Variants in GLT1D1 observed in about 807,000 individuals in gnomAD.
GLT1D1 encodes glycosyltransferase 1 domain-containing protein 1.
Under a neutral mutation model 28.7 loss-of-function variants are expected in GLT1D1, and 21 were observed. That is an observed-to-expected ratio of 0.73 (90% CI 0.52 to 1.05). The LOEUF (loss-of-function observed/expected upper bound fraction) is 1.05. Among genes scored for constraint, GLT1D1 ranks in the 50% least tolerant of loss-of-function variants. The pLI is 0.00. For missense variants in GLT1D1, 343 were observed against 330.6 expected (o/e 1.04, Z -0.29); for synonymous variants, 147 against 124.8 (o/e 1.18, Z -1.19).
intron 2 of GLT1D1, among the ~76,000 whole-genome samples, chr12:128,882,168 C>T (rs536066109): frequency 1.5e-4 from 23 of 151,794 alleles, no homozygotes; most frequent in African/African-American, 5.3e-4. Context: ...TTAGTATTTG[C>T]TGAGAAAATA....
chr12:128,933,871 A>T (rs1430964294), intron 4 of GLT1D1, among the ~76,000 whole-genome samples: 1 of 152,210 alleles, frequency 6.6e-6, no homozygotes, highest in Non-Finnish European at 1.5e-5. Context: ...TATTTCCTGC[A>T]GTGTGACTAG....
At chr12:128,881,531 A>C (rs1593075538) in intron 2 of GLT1D1, among the ~76,000 whole-genome samples, 1 of 68,036 alleles carries the variant, frequency 1.5e-5, no homozygotes, top group Non-Finnish European at 2.7e-5. Flanking sequence ...GAGACTCTGT[A>C]TCGAAAAAAA....
At chr12:128,965,020 G>A (rs752959030) in intron 7 of GLT1D1, among the ~76,000 whole-genome samples, 6 of 152,236 alleles carry the variant, frequency 3.9e-5, no homozygotes, top group Middle Eastern at 3.2e-3. Flanking sequence ...ATAGAGGAGT[G>A]TGGTGAGCAG....
intron 4 of GLT1D1, among the ~76,000 whole-genome samples, chr12:128,943,355 CTT>C (rs71449377): frequency 2.1e-5 from 3 of 144,800 alleles, no homozygotes; most frequent in African/African-American, 2.5e-5. Context: ...TCTTTTCTCT[CTT>C]TTTTTTTTTT....
intron 7 of GLT1D1, among the ~76,000 whole-genome samples, chr12:128,963,752 C>A (rs1402742919): frequency 1.3e-5 from 2 of 152,186 alleles, no homozygotes; most frequent in Non-Finnish European, 2.9e-5. Flanking sequence ...GGAGTTCTTA[C>A]TATGTGCCCA....
intron 4 of GLT1D1, among the ~76,000 whole-genome samples, chr12:128,937,710 C>T (rs904643504): frequency 6.6e-6 from 1 of 152,162 alleles, no homozygotes; most frequent in South Asian, 2.1e-4. Flanking sequence ...TGGTTACCCT[C>T]ACGCTGGTTT....
chr12:128,915,047 C>A, intron 4 of GLT1D1, 58 bp downstream of exon 6: 1 of 1,359,636 alleles, frequency 7.4e-7, no homozygotes, highest in Non-Finnish European at 1.0e-6. Context: ...CAGTTACTTT[C>A]AGGAGCTTGT....
intron 1 of GLT1D1, among the ~76,000 whole-genome samples, chr12:128,867,629 G>C (rs568171003): frequency 1.3e-5 from 2 of 152,188 alleles, no homozygotes; most frequent in East Asian, 3.9e-4. Flanking sequence ...CCTCTGCCTC[G>C]GGGGTCCCCC....
chr12:128,879,382 CTTTCTTTCTTTCTT>C (rs1956956225), intron 2 of GLT1D1, among the ~76,000 whole-genome samples: 1 of 29,356 alleles, frequency 3.4e-5, no homozygotes, highest in Admixed American at 3.9e-4. Flanking sequence ...TTTTCTTTTT[CTTTCTTTCTTTCTT>C]TCTTTCTTTC....
At chr12:128,973,878 T>TGTGTGTGTAGGGG (rs1467103122) in intron 7 of GLT1D1, among the ~76,000 whole-genome samples, 1 of 132,918 alleles carries the variant, frequency 7.5e-6, no homozygotes, top group Non-Finnish European at 1.7e-5. Context: ...GTTTCCCGTG[T>TGTGTGTGTAGGGG]GTGTGTGTAG....
Position 128,947,398 on chromosome 12 carries a change from G to C in GLT1D1, c.480G>C (p.Lys160Asn). ...AAGAAGATCTGCACGCGGTGGTGAAGAATTGCTTCGCGGTGGTGAATAGCT... is the reference window on the plus strand; with the variant it reads ...AAGAAGATCTGCACGCGGTGGTGAACAATTGCTTCGCGGTGGTGAATAGCT... The change falls in exon 6 of 8, where the codon AAG becomes AAC. Residue 160 changes from lysine (K) to asparagine (N), a missense_variant. Lys to Asn is a moderately conservative substitution (Grantham distance 94). Transcript: ENST00000281703. 2 of 1,614,146 alleles carry C rather than the reference G, an allele frequency of 1.2e-6. No homozygotes were observed. Among genetic ancestry groups the C allele is most frequent in the Non-Finnish European group, 1.7e-6 (2 of 1,180,006 alleles).
At chr12:128,915,554 G>T (rs937939970) in intron 4 of GLT1D1, among the ~76,000 whole-genome samples, 1 of 151,870 alleles carries the variant, frequency 6.6e-6, no homozygotes, top group East Asian at 1.9e-4. Context: ...TAATGGAGAC[G>T]GGGTTTTGCC....
intron 1 of GLT1D1, among the ~76,000 whole-genome samples, chr12:128,854,465 C>T (rs916813942): frequency 5.3e-5 from 8 of 151,076 alleles, no homozygotes; most frequent in Non-Finnish European, 8.8e-5. Flanking sequence ...CATGAAATTT[C>T]CCGATTTACT....
At chr12:128,960,045 A>G (rs890197888) in intron 7 of GLT1D1, among the ~76,000 whole-genome samples, 13 of 152,140 alleles carry the variant, frequency 8.5e-5, no homozygotes, top group Non-Finnish European at 1.3e-4. Flanking sequence ...GCAAATCATT[A>G]TCGTGCCGCC....
chr12:128,859,984 G>A (rs1030925961), intron 1 of GLT1D1, among the ~76,000 whole-genome samples: 29 of 152,214 alleles, frequency 1.9e-4, no homozygotes, highest in Admixed American at 7.9e-4. Context: ...TATTGTCTGT[G>A]TGTCACGTTA....
chr12:128,975,464 C>G (rs895621356), intron 7 of GLT1D1, among the ~76,000 whole-genome samples: 2 of 150,064 alleles, frequency 1.3e-5, no homozygotes, highest in African/African-American at 4.9e-5. Context: ...TTATTTTTTT[C>G]TTTTGAGACG....
chr12:128,866,485 T>TGCTCCCCACCAA, intron 1 of GLT1D1, among the ~76,000 whole-genome samples: 1 of 151,944 alleles, frequency 6.6e-6, no homozygotes, highest in East Asian at 1.9e-4. Context: ...TTCCTCCTCC[T>TGCTCCCCACCAA]GCCCCCCACC....
chr12:128,926,428 C>T, intron 4 of GLT1D1: 5 of 1,528,342 alleles, frequency 3.3e-6, no homozygotes, highest in Non-Finnish European at 4.4e-6. Flanking sequence ...GTTAAGGATC[C>T]TCTCTATCTG....
intron 1 of GLT1D1, among the ~76,000 whole-genome samples, chr12:128,872,220 A>G (rs948635884): frequency 6.6e-6 from 1 of 152,276 alleles, no homozygotes; most frequent in African/African-American, 2.4e-5. Context: ...CTGGGATTAC[A>G]GGCGTGAGCC....
Sources: gnomAD v4.1 joint callset for allele counts (sites outside exome capture counted in the v4.1 genomes callset) on GRCh38, gnomAD v4.1.1 for gene constraint, MANE v1.5 for transcripts, NCBI Gene and HGNC (gene_info 2026-07-23, HGNC 2026-07-21) for gene names.